TFDP2: variants seen among roughly 807,000 people sequenced by gnomAD.
TFDP2 encodes transcription factor Dp-2, also known as transcription factor Dp-2 (E2F dimerization partner 2).
In TFDP2, 17 loss-of-function variants were observed where a neutral mutation model predicts 59.3. That is an observed-to-expected ratio of 0.29 (90% confidence interval 0.20 to 0.43). The LOEUF is 0.43. Among genes scored for constraint, TFDP2 ranks in the 20% least tolerant of loss-of-function variants. The pLI is 1.00. For missense variants in TFDP2, 391 were observed against 528.8 expected (o/e 0.74, Z 2.56); for synonymous variants, 180 against 194.7 (o/e 0.92, Z 0.63).
At chr3:142,088,005 T>C (rs1189266020) in intron 3 of TFDP2, among the ~76,000 whole-genome samples, 2 of 152,236 alleles carry the variant, frequency 1.3e-5, no homozygotes, top group Non-Finnish European at 2.9e-5. Flanking sequence ...TACCCTGATA[T>C]ACAGATTTTT....
intron 3 of TFDP2, among the ~76,000 whole-genome samples, chr3:142,028,884 T>C (rs1178331341): frequency 6.6e-6 from 1 of 152,196 alleles, no homozygotes; most frequent in Non-Finnish European, 1.5e-5. Flanking sequence ...AAGGATATTT[T>C]TATTTTAAAA....
chr3:141,985,227 A>G (rs995233480), intron 6 of TFDP2, among the ~76,000 whole-genome samples: 8 of 152,132 alleles, frequency 5.3e-5, no homozygotes, highest in African/African-American at 1.7e-4. Flanking sequence ...ATAAAAATAA[A>G]TGTCAAAAAT....
In TFDP2 at chr3:141,949,602, C is replaced by G. The variant is rs368015521; in HGVS notation, c.*2911G>C. The stretch of plus-strand genomic sequence containing the variant: ...GCACGCAGGTCCTAGTGCCACTGTG[C>G]GTGTGCTAAGTAGAGCCAGCACTTC... On this transcript the variant is annotated 3_prime_UTR_variant, in exon 13 of 13. Transcript: ENST00000489671. 6.6e-6 allele frequency: 1 copy of G among 152,224 alleles called. No homozygotes were observed. The allele number at this position is 152,224 out of a possible 1,614,324, so 9.4% of individuals were successfully genotyped here.
chr3:141,961,656 C>T (rs1379697475), intron 10 of TFDP2, among the ~76,000 whole-genome samples: 1 of 152,072 alleles, frequency 6.6e-6, no homozygotes, highest in Non-Finnish European at 1.5e-5. Context: ...GACCACTGGG[C>T]TGGGTTGTAT....
In TFDP2 at chr3:141,951,182, T is replaced by G. The variant is rs1935903319; in HGVS notation, c.*1331A>C. The stretch of plus-strand genomic sequence containing the variant: ...CAAAGTTTTGGAGTTAATTCTCCCA[T>G]TATTATTTGCTCCTTTCCAAAGCCT... On this transcript the variant is annotated 3_prime_UTR_variant, in exon 13 of 13. Coordinates refer to ENST00000489671, the MANE Select transcript of TFDP2 (RefSeq NM_001178139.2). 1 of 152,212 alleles carries G rather than the reference T, an allele frequency of 6.6e-6. No homozygotes were observed. Among genetic ancestry groups the G allele is most frequent in the Non-Finnish European group, 1.5e-5 (1 of 68,040 alleles). 9.4% of individuals were successfully genotyped at this position (152,212 alleles called of 1,614,324 possible).
intron 10 of TFDP2, among the ~76,000 whole-genome samples, chr3:141,960,509 G>A (rs1393132135): frequency 2.0e-5 from 3 of 152,210 alleles, no homozygotes; most frequent in Non-Finnish European, 4.4e-5. Context: ...CCGACTCCTA[G>A]GCTAGGCCTG....
intron 2 of TFDP2, among the ~76,000 whole-genome samples, chr3:142,095,288 C>T (rs1171359645): frequency 6.6e-6 from 1 of 152,148 alleles, no homozygotes; most frequent in African/African-American, 2.4e-5. Context: ...CCACGCCTGG[C>T]TGTATTTATA....
At position 141,948,496 on chromosome 3, in the gene TFDP2, T is replaced by C. The variant is rs1050115060; in HGVS notation, c.*4017A>G. 15 of 151,630 alleles carry C rather than the reference T, an allele frequency of 9.9e-5. No individual in the cohort carries two copies. Among genetic ancestry groups the C allele is most frequent in the African/African-American group, 3.2e-4 (13 of 41,110 alleles). The allele number at this position is 151,630 out of a possible 1,614,324, so 9.4% of individuals were successfully genotyped here. A position where few individuals can be genotyped will look rare whatever the true frequency, so the allele number is the denominator to read the frequency against. On this transcript the variant is annotated 3_prime_UTR_variant, in exon 13 of 13. Coordinates refer to ENST00000489671, the MANE Select transcript of TFDP2 (RefSeq NM_001178139.2). ...AGGCAGAGGTTGCAGTGAGCCGGGA[T>C]TGCGCCACTACACTCCAGCCTGGCG...
intron 10 of TFDP2, among the ~76,000 whole-genome samples, chr3:141,961,996 T>C (rs1399194074): frequency 6.6e-6 from 1 of 152,170 alleles, no homozygotes; most frequent in East Asian, 1.9e-4. Flanking sequence ...CTGCCCAGGC[T>C]GGAGTGCAAT....
At chr3:141,958,873 A>T (rs1392271399) in intron 11 of TFDP2, among the ~76,000 whole-genome samples, 5 of 151,934 alleles carry the variant, frequency 3.3e-5, no homozygotes, top group African/African-American at 1.2e-4. Context: ...GAATTCAATT[A>T]ATCAAATGTT....
At chr3:142,138,202 T>C (rs1221760265) in intron 1 of TFDP2, among the ~76,000 whole-genome samples, 4 of 152,250 alleles carry the variant, frequency 2.6e-5, no homozygotes, top group African/African-American at 9.6e-5. Context: ...TTTGTATTTC[T>C]GTGGGATTGG....
chr3:142,086,055 AC>A (rs1259574410), intron 3 of TFDP2, among the ~76,000 whole-genome samples: 4 of 151,692 alleles, frequency 2.6e-5, no homozygotes, highest in African/African-American at 9.7e-5. Flanking sequence ...GTTCTTTTTC[AC>A]CTGGATTTGG....
chr3:141,968,527 TAG>T (rs1158484792), intron 9 of TFDP2, among the ~76,000 whole-genome samples: 1 of 107,712 alleles, frequency 9.3e-6, no homozygotes, highest in African/African-American at 4.3e-5. Flanking sequence ...CTCATATATA[TAG>T]ATATATATAA....
At chr3:142,087,515 TTTTG>T in intron 3 of TFDP2, among the ~76,000 whole-genome samples, 1 of 151,818 alleles carries the variant, frequency 6.6e-6, no homozygotes. Context: ...TTTTTTTTTT[TTTTG>T]AGACAGGGCC....
At chr3:142,136,314 T>C (rs1324817705) in intron 1 of TFDP2, among the ~76,000 whole-genome samples, 2 of 152,106 alleles carry the variant, frequency 1.3e-5, no homozygotes, top group Non-Finnish European at 2.9e-5. Context: ...CTTTGTCAGA[T>C]GGGTAGATTG....
intron 3 of TFDP2, among the ~76,000 whole-genome samples, chr3:142,077,165 T>A: frequency 6.6e-6 from 1 of 152,158 alleles, no homozygotes; most frequent in Admixed American, 6.5e-5. Flanking sequence ...GAATCGTCCA[T>A]CCCAGTGGTC....
At chr3:142,125,505 C>CA (rs1358139965) in intron 1 of TFDP2, among the ~76,000 whole-genome samples, 2 of 152,068 alleles carry the variant, frequency 1.3e-5, no homozygotes, top group African/African-American at 4.8e-5. Context: ...CACACACGCA[C>CA]ACACACACAT....
intron 3 of TFDP2, among the ~76,000 whole-genome samples, chr3:142,034,107 T>G (rs1946562682): frequency 7.0e-6 from 1 of 142,694 alleles, no homozygotes; most frequent in Non-Finnish European, 1.5e-5. Context: ...TTTTTTTTTT[T>G]TTTTTGAGAC....
intron 3 of TFDP2, among the ~76,000 whole-genome samples, chr3:142,015,140 T>C (rs1945028845): frequency 6.6e-6 from 1 of 152,226 alleles, no homozygotes; most frequent in Non-Finnish European, 1.5e-5. Context: ...TTCTCAGCCT[T>C]AGTTGTTGGC....
Sources: allele counts gnomAD v4.1 joint callset (sites outside exome capture counted in the v4.1 genomes callset), GRCh38; gene constraint gnomAD v4.1.1; transcripts MANE v1.5; gene names NCBI Gene and HGNC (gene_info 2026-07-23, HGNC 2026-07-21).